Variants in DCDC1 observed in about 807,000 individuals in gnomAD.
The protein encoded by DCDC1 is doublecortin domain containing 1, also known as doublecortin domain-containing protein 1.
DCDC1 carries 200 observed loss-of-function variants against 178.3 expected under a neutral mutation model. The observed-to-expected ratio is 1.12, with a 90% confidence interval of 1.00 to 1.26. The LOEUF is 1.26. Ranked by LOEUF, DCDC1 falls within the 50% of genes most tolerant of loss-of-function variation. The pLI, the probability that DCDC1 is intolerant of heterozygous loss-of-function variation, is 0.00. For synonymous variants in DCDC1, 690 were observed against 604.8 expected (o/e 1.14, Z -2.07); for missense variants, 1,983 against 1,749.2 (o/e 1.13, Z -2.38).
chr11:31,249,171 T>G (rs1943789052), intron 8 of DCDC1, among the ~76,000 whole-genome samples: 1 of 152,080 alleles, frequency 6.6e-6, no homozygotes, highest in African/African-American at 2.4e-5. Flanking sequence ...CAACAAAAAC[T>G]AGGAGTGATG....
chr11:30,997,107 C>T lies in DCDC1; in HGVS notation c.2592-44539G>A, dbSNP rs116023883. On this transcript the variant is annotated intron_variant, in intron 20 of 38. Coordinates refer to ENST00000684477, the MANE Select transcript of DCDC1 (RefSeq NM_001387274.1). Reference sequence around the variant, plus strand: ...TAAAAGGCTATGTATTTTATGATTCCATTTTGAATGACATTATGTAAAAGG... The same window carrying T: ...TAAAAGGCTATGTATTTTATGATTCTATTTTGAATGACATTATGTAAAAGG... 1.7e-3 allele frequency among the ~76,000 whole-genome samples: 260 copies of T among 152,220 alleles called. 2 individuals carry two copies. Among genetic ancestry groups the T allele is most frequent in the African/African-American group, 6.2e-3 (257 of 41,538 alleles).
chr11:31,346,856 G>A (rs991579310), intron 1 of DCDC1, among the ~76,000 whole-genome samples: 1 of 152,112 alleles, frequency 6.6e-6, no homozygotes, highest in Non-Finnish European at 1.5e-5. Flanking sequence ...CCTCTTGTAT[G>A]TGTTTGAAAA....
At chr11:31,019,369 A>T (rs1345626550) in intron 20 of DCDC1, among the ~76,000 whole-genome samples, 1 of 152,148 alleles carries the variant, frequency 6.6e-6, no homozygotes, top group African/African-American at 2.4e-5. Context: ...TGGTTCTTTG[A>T]CGTGAGAAAC....
At chr11:31,108,079 C>A (rs564860627) in intron 12 of DCDC1, among the ~76,000 whole-genome samples, 1 of 152,188 alleles carries the variant, frequency 6.6e-6, no homozygotes, top group African/African-American at 2.4e-5. Flanking sequence ...AGGTGTCTCA[C>A]GATTGGCTGT....
At chr11:31,271,139 C>T (rs1482491307) in intron 7 of DCDC1, among the ~76,000 whole-genome samples, 1 of 152,152 alleles carries the variant, frequency 6.6e-6, no homozygotes, top group Non-Finnish European at 1.5e-5. Flanking sequence ...ATGACATGAT[C>T]TCCTATGTCA....
At chr11:31,039,916 G>T (rs187376165) in intron 20 of DCDC1, among the ~76,000 whole-genome samples, 19 of 152,130 alleles carry the variant, frequency 1.2e-4, no homozygotes, top group African/African-American at 3.4e-4. Flanking sequence ...ATAAATTGAT[G>T]TGAATGTTTA....
At chr11:31,285,276 T>C (rs1256343081) in intron 7 of DCDC1, among the ~76,000 whole-genome samples, 1 of 152,134 alleles carries the variant, frequency 6.6e-6, no homozygotes, top group Non-Finnish European at 1.5e-5. Flanking sequence ...TATTAATCTC[T>C]GATTTAAAAA....
intron 9 of DCDC1, among the ~76,000 whole-genome samples, chr11:31,164,286 T>A (rs969916790): frequency 4.6e-5 from 7 of 152,096 alleles, no homozygotes; most frequent in Non-Finnish European, 1.0e-4. Flanking sequence ...GTAGCAAATC[T>A]ATGATGAAAA....
chr11:31,327,105 G>A (rs1949687079), intron 3 of DCDC1, among the ~76,000 whole-genome samples: 1 of 152,022 alleles, frequency 6.6e-6, no homozygotes, highest in Non-Finnish European at 1.5e-5. Flanking sequence ...CTCTGCCTTT[G>A]TTTCCTCATA....
intron 20 of DCDC1, among the ~76,000 whole-genome samples, chr11:31,043,631 G>A (rs965483166): frequency 6.6e-6 from 1 of 151,922 alleles, no homozygotes; most frequent in African/African-American, 2.4e-5. Flanking sequence ...TCAACAAAAT[G>A]GAAAGACCTA....
intron 32 of DCDC1, among the ~76,000 whole-genome samples, chr11:30,901,526 G>A (rs1399605508): frequency 6.6e-6 from 1 of 152,106 alleles, no homozygotes; most frequent in African/African-American, 2.4e-5. Context: ...TTTCTTTAAA[G>A]TTCCTTAATG....
intron 20 of DCDC1, among the ~76,000 whole-genome samples, chr11:31,018,093 A>G (rs1032727272): frequency 6.6e-6 from 1 of 152,188 alleles, no homozygotes; most frequent in African/African-American, 2.4e-5. Context: ...CAGAAAAAAA[A>G]AATATGTATA....
At chr11:31,055,316 T>A (rs1441683199) in intron 20 of DCDC1, among the ~76,000 whole-genome samples, 1 of 152,074 alleles carries the variant, frequency 6.6e-6, no homozygotes, top group Non-Finnish European at 1.5e-5. Context: ...ATGGCCATAA[T>A]AAAAAAATCA....
At chr11:31,268,978 T>C (rs987618161) in intron 7 of DCDC1, among the ~76,000 whole-genome samples, 5 of 152,202 alleles carry the variant, frequency 3.3e-5, no homozygotes, top group African/African-American at 1.2e-4. Flanking sequence ...TCAGTAAAAA[T>C]GTCTGTGCAA....
intron 9 of DCDC1, among the ~76,000 whole-genome samples, chr11:31,179,603 A>T (rs796616439): frequency 1.3e-5 from 2 of 152,312 alleles, no homozygotes; most frequent in East Asian, 3.9e-4. Context: ...TCTCACTCCT[A>T]TGTGGGATCT....
At chr11:31,226,469 C>T (rs994219558) in intron 9 of DCDC1, among the ~76,000 whole-genome samples, 2 of 150,836 alleles carry the variant, frequency 1.3e-5, no homozygotes, top group Admixed American at 6.6e-5. Context: ...AATAAAAACA[C>T]AAAAGACACT....
intron 9 of DCDC1, among the ~76,000 whole-genome samples, chr11:31,158,654 G>A (rs1183544790): frequency 6.6e-6 from 1 of 152,000 alleles, no homozygotes; most frequent in East Asian, 1.9e-4. Context: ...ACAAATTGGA[G>A]AAGAAGAACA....
At chr11:31,016,873 C>G (rs2135163052) in intron 20 of DCDC1, among the ~76,000 whole-genome samples, 1 of 152,286 alleles carries the variant, frequency 6.6e-6, no homozygotes, top group East Asian at 1.9e-4. Flanking sequence ...GTTTGGAAAC[C>G]ACTGTCATAT....
chr11:31,346,560 T>A (rs759558918), intron 1 of DCDC1, among the ~76,000 whole-genome samples: 1 of 150,962 alleles, frequency 6.6e-6, no homozygotes, highest in Non-Finnish European at 1.5e-5. Flanking sequence ...TCTTCAGACA[T>A]ACATTTTTGA....
Sources: allele counts gnomAD v4.1 joint callset (sites outside exome capture counted in the v4.1 genomes callset), GRCh38; gene constraint gnomAD v4.1.1; transcripts MANE v1.5; gene names NCBI Gene and HGNC (gene_info 2026-07-23, HGNC 2026-07-21).